The following SUN3 variants were observed in gnomAD, a reference collection of about 807,000 sequenced individuals.
SUN3 encodes the protein SUN domain-containing protein 3.
Under a neutral mutation model 48.2 loss-of-function variants are expected in SUN3, and 36 were observed. That is an observed-to-expected ratio of 0.75 (90% CI 0.57 to 0.99). The LOEUF (loss-of-function observed/expected upper bound fraction) is 0.99. SUN3 is among the 50% of genes least tolerant of loss of function. The pLI, the probability that SUN3 is intolerant of heterozygous loss-of-function variation, is 0.00. For missense variants in SUN3, 419 were observed against 433.1 expected (o/e 0.97, Z 0.29); for synonymous variants, 148 against 147.9 (o/e 1.00, Z 0.00).
At chr7:47,994,174 T>C (rs1789139177) in intron 8 of SUN3, 141 bp downstream of exon 8, 1 of 697,836 alleles carries the variant, frequency 1.4e-6, no homozygotes, top group Non-Finnish European at 2.3e-6. Flanking sequence ...CAACTCTCTC[T>C]CTTTGTAGGT....
upstream of SUN3, chr7:48,029,193 C>T: frequency 2.2e-6 from 1 of 449,520 alleles, no homozygotes; most frequent in Non-Finnish European, 4.0e-6. Flanking sequence ...GCAACCACCT[C>T]TCTGCTTCAA....
At chr7:48,004,305 ACT>A (rs1789466057) in intron 6 of SUN3, among the ~76,000 whole-genome samples, 1 of 152,114 alleles carries the variant, frequency 6.6e-6, no homozygotes, top group African/African-American at 2.4e-5. Flanking sequence ...ATACTGTAAG[ACT>A]CTGAGCCCTA....
chr7:48,026,035 A>T, intron 1 of SUN3, 97 bp from the exon 2 acceptor site: 1 of 772,268 alleles, frequency 1.3e-6, no homozygotes, highest in Non-Finnish European at 2.2e-6. Context: ...AAACTTACTT[A>T]TTTTCATTCT....
At chr7:48,031,952 T>C (rs1261430645), upstream of SUN3, among the ~76,000 whole-genome samples, 1 of 152,206 alleles carries the variant, frequency 6.6e-6, no homozygotes, top group Non-Finnish European at 1.5e-5. Context: ...GTGTCATTTG[T>C]GTCCACATGA....
rs1355853181 is a variant in SUN3, at chr7:48,009,054, C to A, written c.310G>T (p.Glu104Ter). 1 of 1,612,416 alleles carries A rather than the reference C, an allele frequency of 6.2e-7. No homozygotes were observed. The highest frequency in any genetic ancestry group is 8.5e-7 in the Non-Finnish European group (1 of 1,179,428). ...ACTCACTTTAAAAGTTCCAGTTGCT[C>A]TTTAGGCATACGAAGTCTGGCCTGA... is the stretch of plus-strand genomic sequence containing the variant. ...KYQARLRMPK[E>*]QLELLKKESQ... The change falls in exon 4 of 10, where the codon GAG becomes TAG. Residue 104 changes from glutamate (E) to a stop codon, truncating the protein, a stop_gained. Transcript: ENST00000297325. LOFTEE classifies it high-confidence loss of function.
rs373649135 is a variant in SUN3, at chr7:48,009,703, G to A, written c.289-628C>T. Among the ~76,000 whole-genome samples the A allele has an allele frequency of 6.6e-5, 10 of 152,260 alleles. No individual in the cohort carries two copies. In the East Asian group the frequency reaches 1.2e-3, roughly 18 times the overall value. Reference sequence around the variant, plus strand: ...TGCCCAAACCAAGACAAGAAACCAGGAAAAGGTAAAGTTACTGTTTGGACA... The same window carrying A: ...TGCCCAAACCAAGACAAGAAACCAGAAAAAGGTAAAGTTACTGTTTGGACA... On this transcript the variant is annotated intron_variant, in intron 3 of 9. Coordinates refer to ENST00000297325, the MANE Select transcript of SUN3 (RefSeq NM_001030019.2).
chr7:48,000,140 T>C, intron 6 of SUN3: 1 of 152,130 alleles, frequency 6.6e-6, no homozygotes, highest in African/African-American at 2.4e-5. Context: ...CATCTTTTGT[T>C]GTTGTTGTTG....
chr7:48,015,760 C>T lies in SUN3; in HGVS notation c.288+1502G>A, dbSNP rs547305080. Among the ~76,000 whole-genome samples the T allele has an allele frequency of 8.5e-5, 13 of 152,210 alleles. No individual in the cohort carries two copies. In the South Asian group the frequency reaches 2.5e-3, roughly 29 times the overall value. ...AAAATGAAAACTAAGGGAAGTATGA[C>T]GGTGAAAGAGACAAGACCTATCCGA... is the stretch of plus-strand genomic sequence containing the variant. On this transcript the variant is annotated intron_variant, in intron 3 of 9. Transcript: ENST00000297325.
intron 3 of SUN3, among the ~76,000 whole-genome samples, chr7:48,009,493 G>C (rs1002206218): frequency 1.3e-5 from 2 of 152,184 alleles, no homozygotes; most frequent in African/African-American, 4.8e-5. Context: ...GGCGACGTTA[G>C]AGGACCATGC....
intron 6 of SUN3, among the ~76,000 whole-genome samples, chr7:48,003,068 A>G (rs139011495): frequency 4.9e-4 from 75 of 151,652 alleles, no homozygotes; most frequent in African/African-American, 1.8e-3. Context: ...ATTTAAGTCT[A>G]TATTCCATTT....
intron 6 of SUN3, 120 bp downstream of exon 6, chr7:48,005,849 T>C: frequency 2.0e-6 from 1 of 503,730 alleles, no homozygotes; most frequent in Non-Finnish European, 3.5e-6. Flanking sequence ...ATTGATTAAT[T>C]TCCCCCCCCC....
upstream of SUN3, among the ~76,000 whole-genome samples, chr7:48,032,008 A>G (rs1188786732): frequency 6.6e-6 from 1 of 152,226 alleles, no homozygotes. Context: ...CCAGACACAG[A>G]TAGGTGAATA....
At chr7:48,004,818 A>G (rs548075532) in intron 6 of SUN3, among the ~76,000 whole-genome samples, 2 of 152,250 alleles carry the variant, frequency 1.3e-5, no homozygotes, top group Non-Finnish European at 2.9e-5. Flanking sequence ...CACAAGGCTC[A>G]CATCTGCAGT....
At chr7:48,006,911 CTTTT>C (rs996033261) in intron 5 of SUN3, among the ~76,000 whole-genome samples, 3 of 151,698 alleles carry the variant, frequency 2.0e-5, no homozygotes, top group Non-Finnish European at 2.9e-5. Context: ...TTCTTTCTTT[CTTTT>C]ACTGGAAAAT....
chr7:48,006,891 A>ATTTCTTTC (rs146559377), intron 5 of SUN3, among the ~76,000 whole-genome samples: 4 of 151,960 alleles, frequency 2.6e-5, no homozygotes, highest in African/African-American at 9.7e-5. Flanking sequence ...AGAGACTGTT[A>ATTTCTTTC]TTTCTTTCTT....
At position 48,007,276 on chromosome 7, in the gene SUN3, G is replaced by A. The variant is rs770141892; in HGVS notation, c.381C>T (p.Ile127=). 1.5e-5 allele frequency: 24 copies of A among 1,613,738 alleles called. No homozygotes were observed. The highest frequency in any genetic ancestry group is 4.4e-5 in the South Asian group (4 of 91,046). ...ATGCCTTCAGGACATCTATTTGTTC[G>A]ATCAAAAATAGAATTTGACGAAAAT... ...ENNFRQILFL[I]EQIDVLKALL... Residue 127 remains isoleucine, a synonymous_variant, in exon 5 of 10, where the codon ATC becomes ATT. Transcript: ENST00000297325.
At chr7:47,988,593 C>G (rs1255555862) in intron 9 of SUN3, among the ~76,000 whole-genome samples, 195 bp downstream of exon 9, 2 of 152,214 alleles carry the variant, frequency 1.3e-5, no homozygotes, top group Non-Finnish European at 2.9e-5. Flanking sequence ...GACTTAGAAA[C>G]TGCTTTTGCA....
chr7:48,004,144 C>T (rs1789461599), intron 6 of SUN3, among the ~76,000 whole-genome samples: 1 of 152,124 alleles, frequency 6.6e-6, no homozygotes, highest in Admixed American at 6.5e-5. Flanking sequence ...CATAATTATG[C>T]TAGCTGCTTC....
At chr7:48,022,462 G>A (rs1790026524) in intron 2 of SUN3, among the ~76,000 whole-genome samples, 1 of 152,014 alleles carries the variant, frequency 6.6e-6, no homozygotes, top group Admixed American at 6.6e-5. Flanking sequence ...TTGAGGGGAT[G>A]GATACCCCAT....
Sources: gnomAD v4.1 joint callset for allele counts (sites outside exome capture counted in the v4.1 genomes callset) on GRCh38, gnomAD v4.1.1 for gene constraint, MANE v1.5 for transcripts, NCBI Gene and HGNC (gene_info 2026-07-23, HGNC 2026-07-21) for gene names.